The following CATSPERE variants were observed in gnomAD, a reference collection of about 807,000 sequenced individuals.
CATSPERE encodes catsper channel auxiliary subunit epsilon.
CATSPERE carries 93 observed loss-of-function variants against 114.1 expected under a neutral mutation model. That is an observed-to-expected ratio of 0.81 (90% CI 0.69 to 0.97). The LOEUF is 0.97. Ranked by LOEUF, CATSPERE falls within the 50% of genes least tolerant of loss-of-function variation. CATSPERE has a pLI of 0.00. For missense variants in CATSPERE, 1,058 were observed against 1,131.6 expected (o/e 0.93, Z 0.93); for synonymous variants, 341 against 384.1 (o/e 0.89, Z 1.31).
intron 1 of CATSPERE, chr1:244,454,635 G>A (rs1231792466): frequency 6.6e-5 from 10 of 151,360 alleles, no homozygotes; most frequent in Non-Finnish European, 1.5e-4. Flanking sequence ...TTACCGGACC[G>A]GTTTGTGGTC....
chr1:244,576,113 G>A (rs559704648), intron 11 of CATSPERE, among the ~76,000 whole-genome samples: 2 of 152,050 alleles, frequency 1.3e-5, no homozygotes, highest in Non-Finnish European at 1.5e-5. Flanking sequence ...TCCTTGGCTC[G>A]TGCACAAGGT....
rs560369913 is a variant in CATSPERE, at chr1:244,619,471, G to C, written c.2648+1785G>C. ...TAATCAATGCAGGATTTGAAAAGAG[G>C]GTGTCTCAAAACTGGTTATTTCCAC... On this transcript the variant is annotated intron_variant, in intron 20 of 21. Transcript: ENST00000366534. Among the ~76,000 whole-genome samples, 31 of 152,220 alleles carry C rather than the reference G, an allele frequency of 2.0e-4. No individual in the cohort carries two copies. The South Asian group carries it at 6.4e-3, about 32-fold the overall frequency.
At chr1:244,462,922 A>G (rs1165701975) in intron 1 of CATSPERE, among the ~76,000 whole-genome samples, 1 of 152,186 alleles carries the variant, frequency 6.6e-6, no homozygotes, top group Non-Finnish European at 1.5e-5. Flanking sequence ...TATGCAATGT[A>G]GACATGGAAT....
At chr1:244,623,630 G>T (rs1257606000) in intron 20 of CATSPERE, among the ~76,000 whole-genome samples, 1 of 152,008 alleles carries the variant, frequency 6.6e-6, no homozygotes, top group East Asian at 1.9e-4. Context: ...GTTGGTTGCT[G>T]CCACTACCAA....
chr1:244,559,316 C>T (rs925707577), intron 9 of CATSPERE, among the ~76,000 whole-genome samples: 1 of 152,132 alleles, frequency 6.6e-6, no homozygotes, highest in Non-Finnish European at 1.5e-5. Context: ...AGCAAAATGA[C>T]CTTTTATCCC....
At chr1:244,490,214 G>A (rs1279892500) in intron 5 of CATSPERE, among the ~76,000 whole-genome samples, 1 of 152,186 alleles carries the variant, frequency 6.6e-6, no homozygotes, top group Non-Finnish European at 1.5e-5. Flanking sequence ...CAGGAAGCAT[G>A]CAGATTTAAG....
intron 8 of CATSPERE, among the ~76,000 whole-genome samples, chr1:244,533,751 G>T (rs958391371): frequency 5.3e-5 from 8 of 151,982 alleles, no homozygotes; most frequent in African/African-American, 1.2e-4. Context: ...TATTATTTTT[G>T]ATTGGTTCAT....
upstream of CATSPERE, chr1:244,451,998 C>A: frequency 1.7e-6 from 1 of 586,424 alleles, no homozygotes; most frequent in Non-Finnish European, 2.8e-6. This position sits in a 1 kb window ranked among gnomAD's most constrained non-coding sequence, Gnocchi z 6.6. Context: ...CCACAGCCCG[C>A]TCAAGGGGGT....
At chr1:244,461,635 C>A in intron 1 of CATSPERE, 141 bp downstream of exon 1, 1 of 574,122 alleles carries the variant, frequency 1.7e-6, no homozygotes, top group Non-Finnish European at 2.6e-6. Context: ...GGCTCCCCAA[C>A]ACCAGCCCCA....
intron 10 of CATSPERE, among the ~76,000 whole-genome samples, chr1:244,562,421 T>C (rs1417527282): frequency 6.6e-6 from 1 of 152,162 alleles, no homozygotes; most frequent in East Asian, 1.9e-4. Flanking sequence ...CACACACTGA[T>C]ACAAGTGTTT....
intron 2 of CATSPERE, among the ~76,000 whole-genome samples, chr1:244,469,035 C>T (rs75597546): frequency 0.017 from 2,513 of 152,238 alleles, 75 homozygotes; most frequent in African/African-American, 0.058. Context: ...TGAAACAGTG[C>T]ATCAGTTTTC....
chr1:244,528,526 T>C (rs1679034102), intron 8 of CATSPERE, among the ~76,000 whole-genome samples: 1 of 152,086 alleles, frequency 6.6e-6, no homozygotes, highest in African/African-American at 2.4e-5. Flanking sequence ...GGGTACATAG[T>C]AGGTATATAT....
intron 7 of CATSPERE, chr1:244,515,368 A>C: frequency 1.0e-6 from 1 of 961,014 alleles, no homozygotes; most frequent in Non-Finnish European, 1.2e-6. Context: ...ATATTTATAA[A>C]TGCAGGTTTG....
At chr1:244,477,816 T>A (rs896885702) in intron 3 of CATSPERE, 90 bp from the exon 4 acceptor site, 2 of 1,120,522 alleles carry the variant, frequency 1.8e-6, no homozygotes, top group African/African-American at 3.2e-5. Context: ...CAGCATACAA[T>A]TGAAATTTTT....
At chr1:244,530,074 G>C (rs551410692) in intron 8 of CATSPERE, among the ~76,000 whole-genome samples, 1 of 152,180 alleles carries the variant, frequency 6.6e-6, no homozygotes, top group East Asian at 1.9e-4. Context: ...CAGCCTCCGA[G>C]TAGCTGGGAT....
intron 5 of CATSPERE, among the ~76,000 whole-genome samples, chr1:244,485,277 G>T (rs968920180): frequency 6.6e-6 from 1 of 151,790 alleles, no homozygotes; most frequent in African/African-American, 2.4e-5. Flanking sequence ...TGCCTCATGG[G>T]TTCAAGTGAT....
intron 10 of CATSPERE, among the ~76,000 whole-genome samples, chr1:244,566,652 CTTTT>C (rs59466928): frequency 0.53 from 27,141 of 51,246 alleles, 4,959 homozygotes; most frequent in East Asian, 0.66. Context: ...GCAACCCCTG[CTTTT>C]TTTTTTTTTT....
At chr1:244,624,125 C>T (rs1467428220) in intron 20 of CATSPERE, among the ~76,000 whole-genome samples, 1 of 33,662 alleles carries the variant, frequency 3.0e-5, no homozygotes, top group African/African-American at 9.3e-5. Flanking sequence ...CCATGCCCAG[C>T]TAATTTTTTT....
At position 244,621,059 on chromosome 1, in the gene CATSPERE, T is replaced by TA. The variant is rs1183870773; in HGVS notation, c.2648+3376dup. 7.0e-3 allele frequency among the ~76,000 whole-genome samples: 301 copies of TA among 42,764 alleles called. 16 individuals are homozygous for TA. The highest frequency in any genetic ancestry group is 0.022 in the African/African-American group (228 of 10,148). The allele number at this position is 42,764 out of a possible 152,430, so 28.1% of individuals were successfully genotyped here. On this transcript the variant is annotated intron_variant, in intron 20 of 21. Transcript: ENST00000366534. ...TATAAAATATATATATAAATATATA[T>TA]AAATATATATAAAATATATATATAA...
Sources: allele counts gnomAD v4.1 joint callset (sites outside exome capture counted in the v4.1 genomes callset), GRCh38; gene constraint gnomAD v4.1.1; non-coding constraint Gnocchi (gnomAD v3.1); transcripts MANE v1.5; gene names NCBI Gene and HGNC (gene_info 2026-07-23, HGNC 2026-07-21).